Variants in UBE2O observed in about 807,000 individuals in gnomAD.
UBE2O encodes the protein ubiquitin conjugating enzyme E2 O, also known as (E3-independent) E2 ubiquitin-conjugating enzyme.
A neutral mutation model predicts 125.8 loss-of-function variants in UBE2O; 15 were observed. The observed-to-expected ratio is 0.12, with a 90% CI of 0.08 to 0.18. UBE2O has a LOEUF of 0.18. UBE2O is among the 10% of genes least tolerant of loss of function. The probability of loss-of-function intolerance (pLI) is 1.00; values close to 1 mark genes in which losing one functional copy is unlikely to be tolerated. For missense variants in UBE2O, 1,280 were observed against 1,723.6 expected, an observed-to-expected ratio of 0.74 and a Z score of 4.56; for synonymous variants, 708 against 703.2, an observed-to-expected ratio of 1.01 and a Z score of -0.11.
chr17:76,395,963 G>T lies in UBE2O; in HGVS notation c.2810-102C>A. On this transcript the variant is annotated intron_variant, in intron 14 of 17. Transcript: ENST00000319380. The surrounding 1 kb of genome is among the most constrained non-coding windows in gnomAD (Gnocchi z 5.0). ...GAGCACACCCACAGACTTCCCACTC[G>T]CCGCTGCTGGCCTCAGCACTGTGAC... 6.5e-7 allele frequency: 1 copy of T among 1,546,270 alleles called. No individual in the cohort carries two copies. Among genetic ancestry groups the T allele is most frequent in the Non-Finnish European group, 8.8e-7 (1 of 1,134,478 alleles).
In UBE2O at chr17:76,452,911, C is replaced by A; in HGVS notation, c.231G>T (p.Gly77=). 6.7e-7 allele frequency: 1 copy of A among 1,497,446 alleles called. No individual in the cohort carries two copies. The highest frequency in any genetic ancestry group is 8.9e-7 in the Non-Finnish European group (1 of 1,122,762). 92.8% of individuals were successfully genotyped at this position (1,497,446 alleles called of 1,614,324 possible). ...SGRYRGSVHF[G]LVRLIHGEDS... is the part of the protein sequence containing the mutation. ...CCTCGCCGTGGATGAGGCGCACCAG[C>A]CCGAAGTGCACGGAGCCACGGTAAC... The change falls in exon 1 of 18, where the codon GGG becomes GGT. Residue 77 remains glycine (G), a synonymous_variant. Coordinates refer to ENST00000319380, the MANE Select transcript of UBE2O (RefSeq NM_022066.4). The surrounding 1 kb of genome is among the most constrained non-coding windows in gnomAD (Gnocchi z 4.4).
Position 76,396,869 on chromosome 17 carries a change from C to T in UBE2O, c.2116-48G>A, listed in dbSNP as rs752321377. The T allele has an allele frequency of 1.3e-6, 2 of 1,497,504 alleles. No individual in the cohort carries two copies. Among genetic ancestry groups the T allele is most frequent in the South Asian group, 2.5e-5 (2 of 78,606 alleles). The allele number at this position is 1,497,504 out of a possible 1,614,324, so 92.8% of individuals were successfully genotyped here. ...AGGGTAAGCAGACAGGAAGTCACCT[C>T]CCCACCACTAAGGAGGAGCTCTGGG... On this transcript the variant is annotated intron_variant, in intron 13 of 17. Coordinates refer to ENST00000319380, the MANE Select transcript of UBE2O (RefSeq NM_022066.4). The surrounding 1 kb of genome is among the most constrained non-coding windows in gnomAD (Gnocchi z 6.7).
At chr17:76,426,130 G>A (rs532632482) in intron 1 of UBE2O, among the ~76,000 whole-genome samples, 1 of 152,172 alleles carries the variant, frequency 6.6e-6, no homozygotes, top group Non-Finnish European at 1.5e-5. Flanking sequence ...AGCCTCCTGA[G>A]TAGCTGGGAC....
At chr17:76,424,772 C>T (rs1219362418) in intron 1 of UBE2O, among the ~76,000 whole-genome samples, 4 of 151,526 alleles carry the variant, frequency 2.6e-5, no homozygotes, top group Non-Finnish European at 5.9e-5. Context: ...GAGCTATGAT[C>T]GAGCCACTGC....
At chr17:76,418,569 GTTTTTTTTT>G (rs33997542) in intron 1 of UBE2O, among the ~76,000 whole-genome samples, 2 of 144,802 alleles carry the variant, frequency 1.4e-5, no homozygotes, top group African/African-American at 5.2e-5. Flanking sequence ...GGAGGAACAG[GTTTTTTTTT>G]TTTTTTTTTG....
chr17:76,405,478 C>A lies in UBE2O; in HGVS notation c.477+35G>T. The stretch of plus-strand genomic sequence containing the variant: ...CTCAAGTCCCTAAGGTGGCTGCCCC[C>A]AGGCCCGGGGCTGGGGTGGGGACGC... On this transcript the variant is annotated intron_variant, in intron 2 of 17. Coordinates refer to ENST00000319380, the MANE Select transcript of UBE2O (RefSeq NM_022066.4). This position sits in a 1 kb window ranked among gnomAD's most constrained non-coding sequence, Gnocchi z 6.1. 1 of 1,585,182 alleles carries A rather than the reference C, an allele frequency of 6.3e-7. No individual in the cohort carries two copies. Among genetic ancestry groups the A allele is most frequent in the Non-Finnish European group, 8.6e-7 (1 of 1,167,958 alleles).
chr17:76,390,346 T>C lies in UBE2O; in HGVS notation c.*597A>G, dbSNP rs1435768275. 1.3e-5 allele frequency: 2 copies of C among 152,798 alleles called. No individual in the cohort carries two copies. Among genetic ancestry groups the C allele is most frequent in the Admixed American group, 6.5e-5 (1 of 15,288 alleles). 9.5% of individuals were successfully genotyped at this position (152,798 alleles called of 1,614,324 possible). On this transcript the variant is annotated 3_prime_UTR_variant, in exon 18 of 18. Coordinates refer to ENST00000319380, the MANE Select transcript of UBE2O (RefSeq NM_022066.4). ...TCTTAGAGAGCAAGTTCAACAGGCC[T>C]GAGGGCTATAACGTGGTCGACAGGC...
intron 1 of UBE2O, among the ~76,000 whole-genome samples, chr17:76,406,651 A>G (rs2072423797): frequency 6.9e-6 from 1 of 145,516 alleles, no homozygotes; most frequent in African/African-American, 2.5e-5. Flanking sequence ...ACCACCAACC[A>G]GCAGTGCAGA....
chr17:76,402,261 G>A lies in UBE2O; in HGVS notation c.687-134C>T. 1 of 794,590 alleles carries A rather than the reference G, an allele frequency of 1.3e-6. No individual in the cohort carries two copies. Among genetic ancestry groups the A allele is most frequent in the Non-Finnish European group, 2.0e-6 (1 of 494,700 alleles). The allele number at this position is 794,590 out of a possible 1,614,324, so 49.2% of individuals were successfully genotyped here. On this transcript the variant is annotated intron_variant, in intron 4 of 17. Coordinates refer to ENST00000319380, the MANE Select transcript of UBE2O (RefSeq NM_022066.4). The surrounding 1 kb of genome is among the most constrained non-coding windows in gnomAD (Gnocchi z 5.4). ...TCTTCTACCATCAACTCAGCCCGAG[G>A]TAGTACAAGAAACTCTCCCACAACG...
chr17:76,404,226 A>G lies in UBE2O; in HGVS notation c.588+980T>C, dbSNP rs1051807773. On this transcript the variant is annotated intron_variant, in intron 3 of 17. Coordinates refer to ENST00000319380, the MANE Select transcript of UBE2O (RefSeq NM_022066.4). The surrounding 1 kb of genome is among the most constrained non-coding windows in gnomAD (Gnocchi z 4.3). Reference sequence around the variant, plus strand: ...ATCTGGGACTACGTTCCCACAAAATACAATCACTTAAAGGGGGTAAATGGT... The same window carrying G: ...ATCTGGGACTACGTTCCCACAAAATGCAATCACTTAAAGGGGGTAAATGGT... 1.3e-5 allele frequency among the ~76,000 whole-genome samples: 2 copies of G among 152,216 alleles called. No individual in the cohort carries two copies. The highest frequency in any genetic ancestry group is 2.1e-4 in the South Asian group (1 of 4,828).
chr17:76,419,022 G>A (rs1010707112), intron 1 of UBE2O, among the ~76,000 whole-genome samples: 2 of 151,928 alleles, frequency 1.3e-5, no homozygotes, highest in African/African-American at 2.4e-5. Flanking sequence ...GGTGACTCGC[G>A]CTGTAATACC....
chr17:76,398,991 C>A lies in UBE2O; in HGVS notation c.1629G>T (p.Arg543Ser). 1 of 1,613,640 alleles carries A rather than the reference C, an allele frequency of 6.2e-7. No homozygotes were observed. The highest frequency in any genetic ancestry group is 8.5e-7 in the Non-Finnish European group (1 of 1,179,880). The change falls in exon 10 of 18, where the codon AGG becomes AGT. Residue 543 changes from arginine to serine, a missense_variant and splice_region_variant. Coordinates refer to ENST00000319380, the MANE Select transcript of UBE2O (RefSeq NM_022066.4). The surrounding 1 kb of genome is among the most constrained non-coding windows in gnomAD (Gnocchi z 5.4). ...KITRDFKPGD[R>S]VAVEVVTTMT... ...TCGTGGTCACCACCTCCACTGCCAC[C>A]CTGCGGGTGCAGGCCAGTCAGCAGG...
intron 1 of UBE2O, among the ~76,000 whole-genome samples, chr17:76,408,844 T>C (rs2143747168): frequency 6.6e-6 from 1 of 152,304 alleles, no homozygotes; most frequent in East Asian, 1.9e-4. Flanking sequence ...GGTGCCCTGC[T>C]TGTAGTTTAA....
rs2072391940 is a variant in UBE2O at position 76,405,077 on chromosome 17, T to C, written c.588+129A>G. 3.1e-6 allele frequency: 2 copies of C among 651,656 alleles called. No individual in the cohort carries two copies. The highest frequency in any genetic ancestry group is 1.8e-5 in the African/African-American group (1 of 54,926). The allele number at this position is 651,656 out of a possible 1,614,324, so 40.4% of individuals were successfully genotyped here. On this transcript the variant is annotated intron_variant, in intron 3 of 17. Transcript: ENST00000319380. This position sits in a 1 kb window ranked among gnomAD's most constrained non-coding sequence, Gnocchi z 6.1. Reference sequence around the variant, plus strand: ...AAGGCTACAGGAGCCAGCTGGCTGCTGTGCTCCGCCTTCTGACCCAGGAAG... The same window carrying C: ...AAGGCTACAGGAGCCAGCTGGCTGCCGTGCTCCGCCTTCTGACCCAGGAAG...
chr17:76,425,213 A>G (rs919105351), intron 1 of UBE2O, among the ~76,000 whole-genome samples: 1 of 134,296 alleles, frequency 7.4e-6, no homozygotes, highest in Non-Finnish European at 1.5e-5. Flanking sequence ...TCACTTCTCA[A>G]GGTCCTTTCG....
intron 1 of UBE2O, among the ~76,000 whole-genome samples, chr17:76,449,660 T>C (rs1015304674): frequency 2.0e-5 from 3 of 152,186 alleles, no homozygotes; most frequent in Non-Finnish European, 4.4e-5. Context: ...GGCTCCTGCC[T>C]GTAATCCCAG....
chr17:76,434,883 C>T (rs141224792), intron 1 of UBE2O, among the ~76,000 whole-genome samples: 4 of 151,418 alleles, frequency 2.6e-5, no homozygotes, highest in African/African-American at 7.3e-5. Context: ...CCACCTCCAT[C>T]GGTGGTACCT....
chr17:76,429,983 T>C (rs2072878093), intron 1 of UBE2O, among the ~76,000 whole-genome samples: 1 of 152,210 alleles, frequency 6.6e-6, no homozygotes, highest in African/African-American at 2.4e-5. Flanking sequence ...GGAAGTTTCA[T>C]CCCTCCCTAT....
Position 76,452,991 on chromosome 17 carries a change from C to T in UBE2O, c.151G>A (p.Gly51Ser), listed in dbSNP as rs1354242508. 3 of 1,491,494 alleles carry T rather than the reference C, an allele frequency of 2.0e-6. No homozygotes were observed. The highest frequency in any genetic ancestry group is 2.7e-6 in the Non-Finnish European group (3 of 1,120,732). 92.4% of individuals were successfully genotyped at this position (1,491,494 alleles called of 1,614,324 possible). A position where few individuals can be genotyped will look rare whatever the true frequency, so the allele number is the denominator to read the frequency against. Residue 51 changes from glycine to serine, a missense_variant, in exon 1 of 18, where the codon GGC becomes AGC. Gly to Ser is a moderately conservative substitution (Grantham distance 56, BLOSUM62 0). Transcript: ENST00000319380. This position sits in a 1 kb window ranked among gnomAD's most constrained non-coding sequence, Gnocchi z 4.4. ...AGGCGCTGCGAGCCGGCTTCTGGGCCGGAGTCCGAGGACGGCCCGGAGGCC... is the reference window on the plus strand; with the variant it reads ...AGGCGCTGCGAGCCGGCTTCTGGGCTGGAGTCCGAGGACGGCCCGGAGGCC... ...DSASGPSSDSGPEAGSQRLLF... is the reference protein window; with the variant it reads ...DSASGPSSDSSPEAGSQRLLF...
Sources: allele counts gnomAD v4.1 joint callset (sites outside exome capture counted in the v4.1 genomes callset), GRCh38; gene constraint gnomAD v4.1.1; non-coding constraint Gnocchi (gnomAD v3.1); transcripts MANE v1.5; gene names NCBI Gene and HGNC (gene_info 2026-07-23, HGNC 2026-07-21).